The following TG variants were observed in gnomAD, a reference collection of about 807,000 sequenced individuals.
TG encodes thyroglobulin, also known as thyroid hormones.
TG carries 270 observed loss-of-function variants against 324.7 expected under a neutral mutation model. That is an observed-to-expected ratio of 0.83 (90% CI 0.75 to 0.92). The LOEUF is 0.92. TG is among the 40% of genes least tolerant of loss of function. TG has a pLI of 0.00. For synonymous variants in TG, 1,401 were observed against 1,327.0 expected, an observed-to-expected ratio of 1.06 and a Z score of -1.21; for missense variants, 3,591 against 3,456.4, an observed-to-expected ratio of 1.04 and a Z score of -0.98.
At chr8:133,024,235 G>A (rs938989379) in intron 40 of TG, among the ~76,000 whole-genome samples, 2 of 152,108 alleles carry the variant, frequency 1.3e-5, no homozygotes, top group African/African-American at 2.4e-5. Flanking sequence ...GGCTGGACAC[G>A]CCCTTTCAAT....
In TG at chr8:132,882,490, A is replaced by C; in HGVS notation, c.767A>C (p.Glu256Ala). Reference protein sequence around the residue: ...AETGLELLLDEIYDTIFAGLD... With the variant: ...AETGLELLLDAIYDTIFAGLD... ...TCAGGTTTGGAGTTGTTACTGGATG[A>C]AATTTATGACACCATTTTTGCTGGC... Residue 256 changes from glutamate (E) to alanine (A), a missense_variant, in exon 7 of 48, where the codon GAA (glutamate) becomes GCA (alanine). Transcript: ENST00000220616. The C allele has an allele frequency of 6.2e-7, 1 of 1,614,200 alleles. No individual in the cohort carries two copies. Among genetic ancestry groups the C allele is most frequent in the South Asian group, 1.1e-5 (1 of 91,080 alleles).
chr8:132,898,308 A>T, intron 13 of TG, 62 bp downstream of exon 13: 1 of 1,498,700 alleles, frequency 6.7e-7, no homozygotes, highest in Non-Finnish European at 9.1e-7. Context: ...TGGTCTAGTC[A>T]GCTGTGGTTG....
intron 40 of TG, among the ~76,000 whole-genome samples, chr8:133,022,439 G>T (rs188147241): frequency 8.5e-5 from 13 of 152,290 alleles, no homozygotes; most frequent in African/African-American, 3.1e-4. Context: ...GTTTAAAGAG[G>T]AAATTGAGGC....
intron 35 of TG, among the ~76,000 whole-genome samples, chr8:132,985,715 T>A (rs538767433): frequency 7.8e-4 from 118 of 152,254 alleles, no homozygotes; most frequent in African/African-American, 2.3e-3. Flanking sequence ...TTCCTGCTCA[T>A]CAAAGGCCTG....
intron 41 of TG, among the ~76,000 whole-genome samples, chr8:133,066,102 T>A (rs1842995307): frequency 6.6e-6 from 1 of 152,036 alleles, no homozygotes. Flanking sequence ...GGCGGGCAGA[T>A]CACGAGGTGA....
At chr8:133,027,854 T>C (rs552777768) in intron 40 of TG, among the ~76,000 whole-genome samples, 1 of 152,324 alleles carries the variant, frequency 6.6e-6, no homozygotes, top group African/African-American at 2.4e-5. Flanking sequence ...TCTTCACCAG[T>C]AAAGGAAAAG....
intron 3 of TG, among the ~76,000 whole-genome samples, chr8:132,870,886 G>T (rs748219858): frequency 2.6e-5 from 4 of 152,122 alleles, no homozygotes; most frequent in Non-Finnish European, 4.4e-5. Flanking sequence ...CTTCATAAGG[G>T]ATCCACTTCC....
At chr8:132,886,003 C>T (rs1168994127) in intron 8 of TG, among the ~76,000 whole-genome samples, 1 of 152,160 alleles carries the variant, frequency 6.6e-6, no homozygotes, top group Non-Finnish European at 1.5e-5. Context: ...TTAGAGCCCA[C>T]CCTAATCCAG....
intron 41 of TG, chr8:133,075,220 G>T: frequency 1.4e-6 from 1 of 716,374 alleles, no homozygotes; most frequent in Non-Finnish European, 1.7e-6. Context: ...CAGAAGCTTG[G>T]TCTTCTTTCT....
chr8:132,886,603 A>G lies in TG; in HGVS notation c.1231A>G (p.Thr411Ala). ...CAGATTTGCCACATCCTGCCCACCC[A>G]CGATCAAGGAGCTCTTTGTGGACTC... The part of the protein sequence containing the change: ...VARFATSCPP[T>A]IKELFVDSGL... Residue 411 changes from threonine (T) to alanine (A), a missense_variant, in exon 9 of 48, where the codon ACG becomes GCG. Transcript: ENST00000220616. The G allele has an allele frequency of 6.2e-7, 1 of 1,614,110 alleles. No individual in the cohort carries two copies. The highest frequency in any genetic ancestry group is 8.5e-7 in the Non-Finnish European group (1 of 1,180,028).
At chr8:133,121,611 T>C (rs1851147728) in intron 45 of TG, among the ~76,000 whole-genome samples, 1 of 152,238 alleles carries the variant, frequency 6.6e-6, no homozygotes, top group Admixed American at 6.5e-5. Flanking sequence ...GTGAAAAACA[T>C]ATCCTTGAGT....
chr8:132,923,211 T>G lies in TG; in HGVS notation c.4529-127T>G, dbSNP rs558432675. The G allele has an allele frequency of 2.3e-5, 25 of 1,098,144 alleles. No homozygotes were observed. In the South Asian group the frequency reaches 3.2e-4, roughly 14 times the overall value. 68.0% of individuals were successfully genotyped at this position (1,098,144 alleles called of 1,614,324 possible). ...CAGAACAGTGGGAACACTGAAGAGTTTTAAGCTGGAATGTCTGAGTTAGAT... is the reference window on the plus strand; with the variant it reads ...CAGAACAGTGGGAACACTGAAGAGTGTTAAGCTGGAATGTCTGAGTTAGAT... On this transcript the variant is annotated intron_variant, in intron 21 of 47. Coordinates refer to ENST00000220616, the MANE Select transcript of TG (RefSeq NM_003235.5).
intron 21 of TG, 112 bp downstream of exon 21, chr8:132,919,637 C>A: frequency 6.8e-7 from 1 of 1,470,192 alleles, no homozygotes; most frequent in Non-Finnish European, 9.4e-7. Flanking sequence ...ATTCTTTGTG[C>A]AGGGTTGGCC....
At position 132,911,307 on chromosome 8, in the gene TG, C is replaced by T. The variant is rs545395338; in HGVS notation, c.4003-70C>T. ...AGTAACATAAGCCAAGTTCTGGTTC[C>T]TGGTGTGGACCCAACAAAACTAGCT... On this transcript the variant is annotated intron_variant, in intron 18 of 47. Transcript: ENST00000220616. 1.6e-4 allele frequency: 263 copies of T among 1,613,620 alleles called. 1 individual carries two copies. In the South Asian group the frequency reaches 2.1e-3, roughly 13 times the overall value.
At chr8:133,014,719 T>G (rs1254459151) in intron 37 of TG, among the ~76,000 whole-genome samples, 1 of 152,234 alleles carries the variant, frequency 6.6e-6, no homozygotes, top group Non-Finnish European at 1.5e-5. Flanking sequence ...TCTGTCTTGA[T>G]TCCAGAGATA....
chr8:133,115,650 C>A (rs1850619997), intron 44 of TG, among the ~76,000 whole-genome samples: 1 of 152,238 alleles, frequency 6.6e-6, no homozygotes, highest in African/African-American at 2.4e-5. Context: ...CACTTCTCAG[C>A]TGGGAAGACA....
At chr8:132,917,563 G>A (rs1308261682) in intron 20 of TG, among the ~76,000 whole-genome samples, 1 of 152,074 alleles carries the variant, frequency 6.6e-6, no homozygotes, top group African/African-American at 2.4e-5. Context: ...AAGAAGTGGG[G>A]CCAGAGAGAC....
intron 41 of TG, 120 bp from the exon 42 acceptor site, chr8:133,094,924 T>C: frequency 7.2e-7 from 1 of 1,384,170 alleles, no homozygotes; most frequent in South Asian, 1.2e-5. Flanking sequence ...CCAGAATGGG[T>C]CCTGGGACTC....
intron 5 of TG, among the ~76,000 whole-genome samples, chr8:132,881,565 C>T (rs1257378979): frequency 6.6e-6 from 1 of 152,170 alleles, no homozygotes; most frequent in Non-Finnish European, 1.5e-5. Context: ...CTGCCTTGCC[C>T]TATGAGACAA....
Sources: allele counts gnomAD v4.1 joint callset (sites outside exome capture counted in the v4.1 genomes callset), GRCh38; gene constraint gnomAD v4.1.1; transcripts MANE v1.5; gene names NCBI Gene and HGNC (gene_info 2026-07-23, HGNC 2026-07-21).